The following LRP5 variants were observed in gnomAD, a reference collection of about 807,000 sequenced individuals.
The protein encoded by LRP5 is low-density lipoprotein receptor-related protein 5.
In LRP5, 62 loss-of-function variants were observed where a neutral mutation model predicts 154.1. The observed-to-expected ratio is 0.40, with a 90% CI of 0.33 to 0.50. The LOEUF is 0.50. LRP5 is among the 20% of genes least tolerant of loss of function. The pLI, the probability that LRP5 is intolerant of heterozygous loss-of-function variation, is 0.55. For missense variants in LRP5, 1,915 were observed against 2,336.7 expected, an observed-to-expected ratio of 0.82 and a Z score of 3.72; for synonymous variants, 966 against 1,011.5, an observed-to-expected ratio of 0.96 and a Z score of 0.85.
chr11:68,338,097 C>G (rs1223673677), intron 1 of LRP5, among the ~76,000 whole-genome samples: 5 of 152,200 alleles, frequency 3.3e-5, no homozygotes, highest in Non-Finnish European at 1.5e-5. Context: ...CTGATGTCTT[C>G]TGTTTCTCTG....
At chr11:68,424,959 A>C in intron 14 of LRP5, 143 bp from the exon 15 acceptor site, 2 of 662,124 alleles carry the variant, frequency 3.0e-6, no homozygotes, top group Non-Finnish European at 5.4e-6. Context: ...AGCATTGTTC[A>C]ACTAGTATAG....
At chr11:68,370,801 C>T (rs1444702940) in intron 5 of LRP5, among the ~76,000 whole-genome samples, 1 of 152,200 alleles carries the variant, frequency 6.6e-6, no homozygotes, top group Admixed American at 6.5e-5. Flanking sequence ...GGGCCGGGAA[C>T]GTCCACATGC....
chr11:68,339,206 CCTT>C (rs2098607438), intron 1 of LRP5, among the ~76,000 whole-genome samples: 2 of 151,976 alleles, frequency 1.3e-5, no homozygotes, highest in South Asian at 2.1e-4. Context: ...GACAGAGTCT[CCTT>C]CTGTCACACA....
rs767650219 is a variant in LRP5 at position 68,386,891 on chromosome 11, G to A, written c.1412+179G>A. ...AGCGGTGATTCAGGAGCTCCAGGGC[G>A]GGGCTGAAGACTTGGGTTTCTAACA... On this transcript the variant is annotated intron_variant, in intron 6 of 22. Coordinates refer to ENST00000294304, the MANE Select transcript of LRP5 (RefSeq NM_002335.4). This position sits in a 1 kb window ranked among gnomAD's most constrained non-coding sequence, Gnocchi z 7.9. Among the ~76,000 whole-genome samples the A allele has an allele frequency of 4.0e-5, 6 of 151,792 alleles. No individual in the cohort carries two copies. Among genetic ancestry groups the A allele is most frequent in the Non-Finnish European group, 8.9e-5 (6 of 67,694 alleles).
At chr11:68,343,759 G>C (rs931197382) in intron 1 of LRP5, among the ~76,000 whole-genome samples, 1 of 152,124 alleles carries the variant, frequency 6.6e-6, no homozygotes, top group African/African-American at 2.4e-5. Context: ...TGCTGCTTCC[G>C]TCTCGGAAGG....
intron 12 of LRP5, 44 bp downstream of exon 12, chr11:68,414,056 C>T (rs1437987015): frequency 1.9e-6 from 3 of 1,560,682 alleles, no homozygotes; most frequent in Non-Finnish European, 2.6e-6. Flanking sequence ...CTCGTTAGAT[C>T]AGGCTGGTTC....
chr11:68,424,119 G>A (rs534666639), intron 14 of LRP5, among the ~76,000 whole-genome samples: 4 of 152,314 alleles, frequency 2.6e-5, no homozygotes, highest in Non-Finnish European at 4.4e-5. Flanking sequence ...AGAGCTTCTG[G>A]TTGGTGGGAA....
chr11:68,373,607 T>G (rs571975985), intron 5 of LRP5, among the ~76,000 whole-genome samples: 1 of 152,284 alleles, frequency 6.6e-6, no homozygotes, highest in African/African-American at 2.4e-5. Flanking sequence ...TCTCTGCAGC[T>G]CAGAGTCACT....
intron 8 of LRP5, 101 bp from the exon 9 acceptor site, chr11:68,406,423 A>C: frequency 1.5e-6 from 2 of 1,297,644 alleles, no homozygotes; most frequent in Non-Finnish European, 2.2e-6. Context: ...GGCACCCCTG[A>C]GCTGTGTGGC....
At chr11:68,427,735 C>A (rs1197298242) in intron 16 of LRP5, among the ~76,000 whole-genome samples, 1 of 151,346 alleles carries the variant, frequency 6.6e-6, no homozygotes, top group Non-Finnish European at 1.5e-5. Context: ...CCCAAAAAAA[C>A]CGAACACTGA....
intron 9 of LRP5, 59 bp from the exon 10 acceptor site, chr11:68,409,855 A>G: frequency 7.1e-7 from 1 of 1,407,666 alleles, no homozygotes; most frequent in Non-Finnish European, 1.0e-6. Context: ...CGTCTCAAAA[A>G]AAAAAAAAAA....
chr11:68,343,415 T>A (rs2153126960), intron 1 of LRP5, among the ~76,000 whole-genome samples: 1 of 151,954 alleles, frequency 6.6e-6, no homozygotes, highest in Non-Finnish European at 1.5e-5. Context: ...GGTGGACCAG[T>A]TTCTCAAAAG....
At chr11:68,402,147 C>T (rs2098652932) in intron 7 of LRP5, among the ~76,000 whole-genome samples, 3 of 152,142 alleles carry the variant, frequency 2.0e-5, no homozygotes, top group African/African-American at 4.8e-5. Flanking sequence ...AGCAGGAGGC[C>T]TGTGGAAGCT....
rs375529792 is a variant in LRP5, at chr11:68,413,798, C to T, written c.2613C>T (p.Ala871=). ...TDWNLHSIER[A]DKTSGRNRTL... is the part of the protein sequence containing the mutation. ...GGAATCTGCACAGCATTGAGCGGGC[C>T]GACAAGACTAGCGGCCGGAACCGCA... Residue 871 remains alanine, a synonymous_variant, in exon 12 of 23, where the codon GCC becomes GCT. Transcript: ENST00000294304. The surrounding 1 kb of genome is among the most constrained non-coding windows in gnomAD (Gnocchi z 5.1). The T allele has an allele frequency of 1.4e-5, 22 of 1,613,448 alleles. No individual in the cohort carries two copies. Among genetic ancestry groups the T allele is most frequent in the East Asian group, 4.5e-5 (2 of 44,884 alleles).
intron 1 of LRP5, among the ~76,000 whole-genome samples, chr11:68,344,549 G>A (rs892739395): frequency 3.3e-5 from 5 of 151,772 alleles, no homozygotes; most frequent in Non-Finnish European, 5.9e-5. Context: ...CAAACTCCTG[G>A]CCTTAAGTGA....
At chr11:68,359,106 G>A (rs1284142754) in intron 3 of LRP5, among the ~76,000 whole-genome samples, 1 of 152,234 alleles carries the variant, frequency 6.6e-6, no homozygotes, top group African/African-American at 2.4e-5. Context: ...CAACTTAACA[G>A]CCTGAAACAG....
intron 9 of LRP5, among the ~76,000 whole-genome samples, chr11:68,408,813 T>TGA (rs1357883538): frequency 6.6e-6 from 1 of 151,776 alleles, no homozygotes; most frequent in Non-Finnish European, 1.5e-5. Flanking sequence ...TTTGAGAGGG[T>TGA]GAGGCAGGAG....
the LRP5 span, among the ~76,000 whole-genome samples, chr11:68,299,281 G>A: frequency 6.6e-6 from 1 of 152,228 alleles, no homozygotes; most frequent in Non-Finnish European, 1.5e-5. Flanking sequence ...GGGGACTGGA[G>A]GGGCTTGGGT....
intron 5 of LRP5, among the ~76,000 whole-genome samples, chr11:68,369,153 T>C (rs2153142450): frequency 6.6e-6 from 1 of 152,218 alleles, no homozygotes; most frequent in Admixed American, 6.5e-5. Flanking sequence ...CTGAACAATA[T>C]CTTATCAAGA....
Sources: allele counts gnomAD v4.1 joint callset (sites outside exome capture counted in the v4.1 genomes callset), GRCh38; gene constraint gnomAD v4.1.1; non-coding constraint Gnocchi (gnomAD v3.1); transcripts MANE v1.5; gene names NCBI Gene and HGNC (gene_info 2026-07-23, HGNC 2026-07-21).